Variants in CSNK1E observed in about 807,000 individuals in gnomAD.
The protein encoded by CSNK1E is casein kinase 1 epsilon, also known as casein kinase I isoform epsilon.
CSNK1E carries 17 observed loss-of-function variants against 46.1 expected under a neutral mutation model. The observed-to-expected ratio is 0.37, with a 90% CI of 0.25 to 0.55. The LOEUF (loss-of-function observed/expected upper bound fraction) is 0.55. CSNK1E is among the 20% of genes least tolerant of loss of function. The pLI, the probability that CSNK1E is intolerant of heterozygous loss-of-function variation, is 0.82. For missense variants in CSNK1E, 386 were observed against 595.4 expected (o/e 0.65, Z 3.66); for synonymous variants, 241 against 242.6 (o/e 0.99, Z 0.06).
rs2092674462 is a variant in CSNK1E, at chr22:38,301,880, C to A, written c.337-928G>T. Among the ~76,000 whole-genome samples, 4 of 152,298 alleles carry A rather than the reference C, an allele frequency of 2.6e-5. No homozygotes were observed. In the South Asian group the frequency reaches 8.3e-4, roughly 32 times the overall value. On this transcript the variant is annotated intron_variant, in intron 4 of 10. Coordinates refer to ENST00000396832, the MANE Select transcript of CSNK1E (RefSeq NM_152221.3). ...CGACCCTCTGCTCACACACCTTCAGCCTACATCGCAGGGCTTTTGCAGACC... is the reference window on the plus strand; with the variant it reads ...CGACCCTCTGCTCACACACCTTCAGACTACATCGCAGGGCTTTTGCAGACC...
chr22:38,306,425 A>C (rs1332601394), intron 2 of CSNK1E, among the ~76,000 whole-genome samples: 1 of 152,182 alleles, frequency 6.6e-6, no homozygotes, highest in Non-Finnish European at 1.5e-5. Context: ...TTGCGCAGCC[A>C]TTACCACAAT....
chr22:38,317,875 CA>C (rs2092756667), upstream of CSNK1E: 1 of 152,286 alleles, frequency 6.6e-6, no homozygotes, highest in African/African-American at 2.4e-5. Flanking sequence ...AGTCCGCCTC[CA>C]GGTTCCGAGT....
rs2145848113 is a variant in CSNK1E at position 38,309,653 on chromosome 22, C to T, written c.76+4429G>A. ...TATTATTAGTAGAGATGGGGTTTCA[C>T]CATGTTGGCCGGGCTGGTCTCAAAC... On this transcript the variant is annotated intron_variant, in intron 2 of 10. Coordinates refer to ENST00000396832, the MANE Select transcript of CSNK1E (RefSeq NM_152221.3). The surrounding 1 kb of genome is among the most constrained non-coding windows in gnomAD (Gnocchi z 4.8). 6.6e-6 allele frequency among the ~76,000 whole-genome samples: 1 copy of T among 152,254 alleles called. No homozygotes were observed. Among genetic ancestry groups the T allele is most frequent in the African/African-American group, 2.4e-5 (1 of 41,546 alleles).
At chr22:38,310,224 T>G (rs2092715089) in intron 2 of CSNK1E, among the ~76,000 whole-genome samples, 1 of 152,096 alleles carries the variant, frequency 6.6e-6, no homozygotes, top group African/African-American at 2.4e-5. Flanking sequence ...CTGCCCGATT[T>G]CAGGAACAGA....
chr22:38,299,027 C>T (rs888322777), intron 6 of CSNK1E, 93 bp from the exon 7 acceptor site: 1 of 1,395,422 alleles, frequency 7.2e-7, no homozygotes, highest in Non-Finnish European at 1.0e-6. Flanking sequence ...CCCACTGTCC[C>T]TAGATACTTC....
intron 2 of CSNK1E, among the ~76,000 whole-genome samples, chr22:38,308,360 G>A (rs766286289): frequency 3.3e-5 from 5 of 152,104 alleles, no homozygotes; most frequent in African/African-American, 9.7e-5. Context: ...GGTTTCCAGG[G>A]GACAGTGAGG....
Position 38,294,256 on chromosome 22 carries a change from G to A in CSNK1E, c.1079-8C>T, listed in dbSNP as rs368463837. On this transcript the variant is annotated splice_region_variant and splice_polypyrimidine_tract_variant and intron_variant, in intron 8 of 10. Coordinates refer to ENST00000396832, the MANE Select transcript of CSNK1E (RefSeq NM_152221.3). The surrounding 1 kb of genome is among the most constrained non-coding windows in gnomAD (Gnocchi z 5.5). Reference sequence around the variant, plus strand: ...CTCTGGGAGAAGTATTGCCTGGAGGGAGAGTGGGAAGCCACCCTCAGAGTA... The same window carrying A: ...CTCTGGGAGAAGTATTGCCTGGAGGAAGAGTGGGAAGCCACCCTCAGAGTA... 2.5e-6 allele frequency: 4 copies of A among 1,610,816 alleles called. No individual in the cohort carries two copies. Among genetic ancestry groups the A allele is most frequent in the African/African-American group, 1.3e-5 (1 of 74,974 alleles).
rs1387453946 is a variant in CSNK1E, at chr22:38,291,658, G to GGGGCAGGAACAGGAGGCC, written c.*295_*312dup. On this transcript the variant is annotated 3_prime_UTR_variant, in exon 11 of 11. Coordinates refer to ENST00000396832, the MANE Select transcript of CSNK1E (RefSeq NM_152221.3). ...TTCCTCTCCAGGCAGGTGGTGGGTG[G>GGGGCAGGAACAGGAGGCC]GGGCAGGAACAGGAGGCCGGGCAGG... 1 of 152,270 alleles carries GGGGCAGGAACAGGAGGCC rather than the reference G, an allele frequency of 6.6e-6. No individual in the cohort carries two copies. Among genetic ancestry groups the GGGGCAGGAACAGGAGGCC allele is most frequent in the Non-Finnish European group, 1.5e-5 (1 of 68,096 alleles). The allele number at this position is 152,270 out of a possible 1,614,324, so 9.4% of individuals were successfully genotyped here.
At chr22:38,307,297 T>A (rs135755) in intron 2 of CSNK1E, among the ~76,000 whole-genome samples, 1 of 152,170 alleles carries the variant, frequency 6.6e-6, no homozygotes, top group African/African-American at 2.4e-5. Flanking sequence ...GAAGGCCAGG[T>A]GCCAGCATTT....
chr22:38,305,373 AG>A (rs1305899884), intron 2 of CSNK1E, among the ~76,000 whole-genome samples: 1 of 151,062 alleles, frequency 6.6e-6, no homozygotes, highest in African/African-American at 2.4e-5. Context: ...ATTGCCTTAT[AG>A]CCTTGGGGTT....
intron 2 of CSNK1E, among the ~76,000 whole-genome samples, chr22:38,305,833 G>A (rs1006246754): frequency 6.6e-6 from 1 of 152,224 alleles, no homozygotes; most frequent in South Asian, 2.1e-4. Flanking sequence ...TGGTGGAGGC[G>A]TCAACTGCTG....
intron 4 of CSNK1E, among the ~76,000 whole-genome samples, chr22:38,301,385 G>A (rs2092671340): frequency 6.6e-6 from 1 of 152,138 alleles, no homozygotes; most frequent in African/African-American, 2.4e-5. Context: ...ACAAAAGACA[G>A]GGCTTCCGAA....
In CSNK1E at chr22:38,296,352, G is replaced by GT. The variant is rs143187967; in HGVS notation, c.886-1819dup. 7,118 of 1,379,812 alleles carry GT rather than the reference G, an allele frequency of 5.2e-3. 207 individuals carry two copies. The African/African-American group carries it at 0.074, about 14-fold the overall frequency. 85.5% of individuals were successfully genotyped at this position (1,379,812 alleles called of 1,614,324 possible). On this transcript the variant is annotated intron_variant, in intron 7 of 10. Transcript: ENST00000396832. ...GACTGGACCTCGGAACACAGTGGCT[G>GT]TATGTGCTGAGAGTGGCTTCCAGGC...
At chr22:38,299,755 G>C in intron 6 of CSNK1E, 140 bp downstream of exon 6, 1 of 871,176 alleles carries the variant, frequency 1.1e-6, no homozygotes, top group East Asian at 2.5e-5. Context: ...TGATCCACCT[G>C]CCTTGGCCTC....
chr22:38,307,822 G>A (rs771430454), intron 2 of CSNK1E, among the ~76,000 whole-genome samples: 1 of 152,104 alleles, frequency 6.6e-6, no homozygotes, highest in Non-Finnish European at 1.5e-5. Flanking sequence ...TCAGCCTCTC[G>A]AGTAGCTGGA....
chr22:38,305,608 T>C (rs905253504), intron 2 of CSNK1E, among the ~76,000 whole-genome samples: 1 of 151,892 alleles, frequency 6.6e-6, no homozygotes, highest in Non-Finnish European at 1.5e-5. Context: ...CAGCAGAAAA[T>C]AGGCCAAAGG....
At position 38,298,965 on chromosome 22, in the gene CSNK1E, C is replaced by G; in HGVS notation, c.737-31G>C. 6.2e-7 allele frequency: 1 copy of G among 1,613,114 alleles called. No homozygotes were observed. Among genetic ancestry groups the G allele is most frequent in the East Asian group, 2.2e-5 (1 of 44,856 alleles). On this transcript the variant is annotated intron_variant, in intron 6 of 10. Transcript: ENST00000396832. The surrounding 1 kb of genome is among the most constrained non-coding windows in gnomAD (Gnocchi z 4.2). ...GGGTGTTGCAGAGGATAGAGAAGGC[C>G]ACTGTGAGGCCCACGCTCCCAGACC...
chr22:38,299,290 A>T (rs896970486), intron 6 of CSNK1E, among the ~76,000 whole-genome samples: 2 of 152,248 alleles, frequency 1.3e-5, no homozygotes, highest in Admixed American at 6.5e-5. Context: ...AAGGACTGCA[A>T]GAGCCTGACG....
chr22:38,313,989 T>G (rs2092732452), intron 2 of CSNK1E, 93 bp downstream of exon 2: 1 of 1,176,514 alleles, frequency 8.5e-7, no homozygotes, highest in African/African-American at 1.5e-5. Context: ...TGGAGCCACA[T>G]TCTGACTTCA....
Sources: allele counts gnomAD v4.1 joint callset (sites outside exome capture counted in the v4.1 genomes callset), GRCh38; gene constraint gnomAD v4.1.1; non-coding constraint Gnocchi (gnomAD v3.1); transcripts MANE v1.5; gene names NCBI Gene and HGNC (gene_info 2026-07-23, HGNC 2026-07-21).